Variants in JKAMP observed in about 807,000 individuals in gnomAD.
JKAMP encodes JNK1/MAPK8-associated membrane protein.
Under a neutral mutation model 40.2 loss-of-function variants are expected in JKAMP, and 20 were observed. That is an observed-to-expected ratio of 0.50 (90% CI 0.35 to 0.72). JKAMP has a LOEUF of 0.72. Ranked by LOEUF, JKAMP falls within the 30% of genes least tolerant of loss-of-function variation. The probability of loss-of-function intolerance (pLI) is 0.01; values close to 1 mark genes in which losing one functional copy is unlikely to be tolerated. For missense variants in JKAMP, 276 were observed against 373.0 expected (o/e 0.74, Z 2.14); for synonymous variants, 138 against 131.6 (o/e 1.05, Z -0.33).
chr14:59,484,720 C>G, intron 1 of JKAMP, 127 bp downstream of exon 1: 1 of 1,220,532 alleles, frequency 8.2e-7, no homozygotes, highest in Non-Finnish European at 1.2e-6. Flanking sequence ...CCCTTGACCC[C>G]GCCCGCCCTC....
At chr14:59,497,847 G>C (rs1266455716) in intron 4 of JKAMP, among the ~76,000 whole-genome samples, 2 of 152,112 alleles carry the variant, frequency 1.3e-5, no homozygotes, top group Non-Finnish European at 2.9e-5. Flanking sequence ...GGAAGCATGT[G>C]GTCCGTGATC....
At chr14:59,498,680 T>C (rs1016548856) in intron 4 of JKAMP, 47 bp from the exon 5 acceptor site, 6 of 1,081,678 alleles carry the variant, frequency 5.5e-6, no homozygotes, top group South Asian at 1.6e-5. Flanking sequence ...ATTAAAAACA[T>C]TTTTAAAACA....
intron 6 of JKAMP, among the ~76,000 whole-genome samples, chr14:59,501,672 C>A (rs1158730985): frequency 6.6e-6 from 1 of 152,146 alleles, no homozygotes; most frequent in Non-Finnish European, 1.5e-5. Context: ...AGTAATTGTG[C>A]ATTCCATATC....
intron 3 of JKAMP, 110 bp from the exon 4 acceptor site, chr14:59,494,908 G>T (rs1891322999): frequency 6.7e-5 from 49 of 731,702 alleles, no homozygotes; most frequent in East Asian, 1.1e-4. Context: ...AGTAGTTTTT[G>T]ACTTTTCTTA....
intron 2 of JKAMP, among the ~76,000 whole-genome samples, chr14:59,487,026 C>G (rs1251803178): frequency 6.6e-6 from 1 of 151,940 alleles, no homozygotes; most frequent in African/African-American, 2.4e-5. Context: ...TATGGTGAAA[C>G]CCCATCTCTG....
intron 2 of JKAMP, 84 bp downstream of exon 2, chr14:59,486,888 TATACTC>T: frequency 1.1e-6 from 1 of 948,708 alleles, no homozygotes; most frequent in Non-Finnish European, 1.6e-6. Flanking sequence ...TTTTTGTTAT[TATACTC>T]ATTAATTTAT....
At chr14:59,487,356 G>A (rs1337063817) in intron 2 of JKAMP, 1 of 188,910 alleles carries the variant, frequency 5.3e-6, no homozygotes, top group Non-Finnish European at 1.1e-5. Flanking sequence ...GTCTTGTACA[G>A]TAAGTTGAAC....
At chr14:59,494,041 G>A (rs557587547) in intron 3 of JKAMP, among the ~76,000 whole-genome samples, 81 of 152,192 alleles carry the variant, frequency 5.3e-4, no homozygotes, top group African/African-American at 1.7e-3. Flanking sequence ...CCTACCTTAC[G>A]TTAGGCACAG....
intron 6 of JKAMP, 31 bp downstream of exon 6, chr14:59,501,298 CTT>C (rs756598565): frequency 2.2e-6 from 3 of 1,366,310 alleles, no homozygotes; most frequent in South Asian, 1.2e-5. Context: ...TTGTTAAAGA[CTT>C]TTTGATAAAT....
intron 3 of JKAMP, 88 bp downstream of exon 3, chr14:59,487,916 C>T (rs1261952939): frequency 1.6e-6 from 2 of 1,237,000 alleles, no homozygotes; most frequent in African/African-American, 1.5e-5. Flanking sequence ...TATGCTTCTT[C>T]TGTTTTAAAA....
At chr14:59,484,684 G>A in intron 1 of JKAMP, 91 bp downstream of exon 1, 1 of 1,460,378 alleles carries the variant, frequency 6.8e-7, no homozygotes, top group Non-Finnish European at 9.4e-7. Flanking sequence ...TTTGTAGGCG[G>A]CCTTCGGTTG....
At chr14:59,495,257 T>C in intron 4 of JKAMP, 33 bp downstream of exon 4, 1 of 1,455,698 alleles carries the variant, frequency 6.9e-7, no homozygotes, top group Middle Eastern at 1.7e-4. Context: ...GATCATTGTT[T>C]TTTTTTAAAT....
intron 1 of JKAMP, chr14:59,484,827 T>G (rs1295862621): frequency 8.1e-6 from 8 of 989,332 alleles, no homozygotes; most frequent in Non-Finnish European, 1.2e-5. Context: ...AGGTCTTTGT[T>G]GTTTGGTCCG....
intron 6 of JKAMP, among the ~76,000 whole-genome samples, chr14:59,502,693 T>C (rs1891973939): frequency 6.6e-6 from 1 of 150,662 alleles, no homozygotes; most frequent in Non-Finnish European, 1.5e-5. Context: ...TTATCAACTC[T>C]AGGGAAAGAT....
chr14:59,493,514 T>G (rs1341981610), intron 3 of JKAMP, among the ~76,000 whole-genome samples: 1 of 152,204 alleles, frequency 6.6e-6, no homozygotes, highest in Non-Finnish European at 1.5e-5. Context: ...TTGAGGTAGT[T>G]TGCTATGCAA....
chr14:59,486,559 G>A, intron 1 of JKAMP, 154 bp from the exon 2 acceptor site: 1 of 624,740 alleles, frequency 1.6e-6, no homozygotes, highest in East Asian at 2.8e-5. Flanking sequence ...TGTAAAAGGA[G>A]AAATGTAAAT....
At chr14:59,494,240 T>A (rs1891260311) in intron 3 of JKAMP, among the ~76,000 whole-genome samples, 1 of 149,846 alleles carries the variant, frequency 6.7e-6, no homozygotes, top group Non-Finnish European at 1.5e-5. Flanking sequence ...TTAGAACATG[T>A]TTATAAAAAG....
chr14:59,492,940 G>A (rs541757516), intron 3 of JKAMP, among the ~76,000 whole-genome samples: 2 of 152,010 alleles, frequency 1.3e-5, no homozygotes, highest in South Asian at 4.2e-4. Flanking sequence ...TGGGACTACA[G>A]GCGCCTGCCA....
At position 59,495,241 on chromosome 14, in the gene JKAMP, A is replaced by T. The variant is rs945969817; in HGVS notation, c.458+17A>T. On this transcript the variant is annotated intron_variant, in intron 4 of 6. Coordinates refer to ENST00000616435, the MANE Select transcript of JKAMP (RefSeq NM_016475.5). ...CTACCCACTGTAAGTGTTTATTTCG[A>T]CTTAAGATCATTGTTTTTTTTTAAA... 16 of 1,512,776 alleles carry T rather than the reference A, an allele frequency of 1.1e-5. No homozygotes were observed. Among genetic ancestry groups the T allele is most frequent in the African/African-American group, 1.6e-5 (1 of 62,072 alleles). The allele number at this position is 1,512,776 out of a possible 1,614,324, so 93.7% of individuals were successfully genotyped here.
Sources: gnomAD v4.1 joint callset for allele counts (sites outside exome capture counted in the v4.1 genomes callset) on GRCh38, gnomAD v4.1.1 for gene constraint, MANE v1.5 for transcripts, NCBI Gene and HGNC (gene_info 2026-07-23, HGNC 2026-07-21) for gene names.